Variants in IL1RAPL1 observed in about 807,000 individuals in gnomAD.
IL1RAPL1 encodes interleukin-1 receptor accessory protein-like 1.
A neutral mutation model predicts 48.4 loss-of-function variants in IL1RAPL1; 3 were observed. That is an observed-to-expected ratio of 0.06 (90% confidence interval 0.03 to 0.16). The LOEUF (loss-of-function observed/expected upper bound fraction) is 0.16. Among genes scored for constraint, IL1RAPL1 ranks in the 10% least tolerant of loss-of-function variants. The probability of loss-of-function intolerance (pLI) is 1.00; values close to 1 mark genes in which losing one functional copy is unlikely to be tolerated. For synonymous variants in IL1RAPL1, 185 were observed against 187.7 expected (o/e 0.99, Z 0.12); for missense variants, 349 against 530.6 (o/e 0.66, Z 3.36).
intron 2 of IL1RAPL1, among the ~76,000 whole-genome samples, chrX:28,829,242 A>G (rs962186370): frequency 9.0e-6 from 1 of 111,572 alleles, no homozygotes; most frequent in African/African-American, 3.3e-5. Context: ...TTTTTCATGT[A>G]TATGTATAGA....
At chrX:29,819,463 A>C (rs1453708019) in intron 6 of IL1RAPL1, among the ~76,000 whole-genome samples, 1 of 111,579 alleles carries the variant, frequency 9.0e-6, no homozygotes, top group Non-Finnish European at 1.9e-5. Context: ...CCACAGCTTC[A>C]TTCCATTTGC....
At chrX:29,323,750 T>TATATATA (rs1932824078) in intron 3 of IL1RAPL1, among the ~76,000 whole-genome samples, 1 of 34,354 alleles carries the variant, frequency 2.9e-5, no homozygotes, top group African/African-American at 1.6e-4. Flanking sequence ...TATATATATA[T>TATATATA]ATATATATAT....
rs905453210 is a variant in IL1RAPL1, at chrX:28,587,914, A to C, written c.-158A>C. ...TTTGTGAATGGGAATCTTGTTCACA[A>C]TATTAATTGCTAGCAAAAACAAGAA... On this transcript the variant is annotated 5_prime_UTR_variant, in exon 1 of 11. Coordinates refer to ENST00000378993, the MANE Select transcript of IL1RAPL1 (RefSeq NM_014271.4). The C allele has an allele frequency of 8.9e-6, 1 of 111,765 alleles. No individual in the cohort carries two copies. The highest frequency in any genetic ancestry group is 9.6e-5 in the Admixed American group (1 of 10,468). 9.2% of individuals were successfully genotyped at this position (111,765 alleles called of 1,213,427 possible).
At chrX:28,886,424 T>C (rs946857387) in intron 2 of IL1RAPL1, among the ~76,000 whole-genome samples, 8 of 109,593 alleles carry the variant, frequency 7.3e-5, no homozygotes, top group Non-Finnish European at 1.5e-4. Context: ...TGATGGAGGA[T>C]TGGTCTGTAG....
intron 6 of IL1RAPL1, among the ~76,000 whole-genome samples, chrX:29,874,726 G>T (rs1931867986): frequency 8.9e-6 from 1 of 112,399 alleles, no homozygotes; most frequent in African/African-American, 3.2e-5. Context: ...AGTAGAGTCC[G>T]TGACTTCATT....
At chrX:29,867,451 C>T (rs768600021) in intron 6 of IL1RAPL1, among the ~76,000 whole-genome samples, 2 of 111,473 alleles carry the variant, frequency 1.8e-5, no homozygotes, top group African/African-American at 6.5e-5. Context: ...GGCCTAGGCC[C>T]TTTTTTGCCA....
intron 6 of IL1RAPL1, among the ~76,000 whole-genome samples, chrX:29,843,214 C>T (rs1347132044): frequency 9.0e-6 from 1 of 111,684 alleles, no homozygotes; most frequent in Non-Finnish European, 1.9e-5. Flanking sequence ...GCAACTGGTG[C>T]AATGTACTCA....
intron 2 of IL1RAPL1, among the ~76,000 whole-genome samples, chrX:28,864,702 A>G (rs1209534270): frequency 1.8e-5 from 2 of 111,449 alleles, no homozygotes; most frequent in Non-Finnish European, 3.8e-5. Flanking sequence ...TTTAGAAAAG[A>G]AGGAGGCTAG....
intron 2 of IL1RAPL1, among the ~76,000 whole-genome samples, chrX:29,256,880 A>C (rs1050350835): frequency 4.5e-5 from 5 of 111,153 alleles, no homozygotes; most frequent in Non-Finnish European, 7.6e-5. Context: ...CATTGAGGAG[A>C]CCTTAGGCTG....
chrX:29,337,873 C>T (rs1306915565), intron 3 of IL1RAPL1, among the ~76,000 whole-genome samples: 1 of 110,601 alleles, frequency 9.0e-6, no homozygotes. Context: ...CAGAGTTTCA[C>T]CATGTTGGCC....
chrX:29,919,080 A>T (rs1000987632), intron 7 of IL1RAPL1, among the ~76,000 whole-genome samples: 24 of 112,203 alleles, frequency 2.1e-4, no homozygotes, highest in African/African-American at 6.5e-4. Flanking sequence ...CACATTTTCT[A>T]TTGGGACCTT....
chrX:29,641,875 C>G (rs1032140425), intron 5 of IL1RAPL1, among the ~76,000 whole-genome samples: 7 of 112,353 alleles, frequency 6.2e-5, no homozygotes, highest in African/African-American at 2.3e-4. Context: ...ATGTCTCCAT[C>G]TCTGACTTAA....
chrX:28,754,350 T>C (rs1875703341), intron 1 of IL1RAPL1, among the ~76,000 whole-genome samples: 1 of 112,531 alleles, frequency 8.9e-6, no homozygotes, highest in African/African-American at 3.2e-5. Context: ...ACATTTCTTA[T>C]GCCATTTTAA....
intron 2 of IL1RAPL1, among the ~76,000 whole-genome samples, chrX:29,034,564 T>C (rs765199739): frequency 8.9e-6 from 1 of 112,303 alleles, no homozygotes; most frequent in South Asian, 3.6e-4. Flanking sequence ...TATCAAGTGC[T>C]TTCAATAGAC....
At chrX:28,768,755 C>CTCTCTCTCTATATATA (rs1364972830) in intron 1 of IL1RAPL1, among the ~76,000 whole-genome samples, 2 of 34,886 alleles carry the variant, frequency 5.7e-5, no homozygotes, top group Non-Finnish European at 9.5e-5. Context: ...CTCTCTCTCT[C>CTCTCTCTCTATATATA]TATATATATA....
At chrX:29,903,609 G>A (rs977755086) in intron 6 of IL1RAPL1, among the ~76,000 whole-genome samples, 3 of 111,447 alleles carry the variant, frequency 2.7e-5, no homozygotes, top group Non-Finnish European at 3.8e-5. Flanking sequence ...TTTTAGAAAT[G>A]GCTATATGAT....
In IL1RAPL1 at chrX:29,190,123, C is replaced by T. The variant is rs769897392; in HGVS notation, c.83-92815C>T. On this transcript the variant is annotated intron_variant, in intron 2 of 10. Coordinates refer to ENST00000378993, the MANE Select transcript of IL1RAPL1 (RefSeq NM_014271.4). The stretch of plus-strand genomic sequence containing the variant: ...TACCTTACAGTATCATTGTAGGATA[C>T]GATAATGTATGCAAAGTGTGATGTA... Among the ~76,000 whole-genome samples the T allele has an allele frequency of 2.2e-4, 24 of 111,360 alleles. No individual in the cohort carries two copies. In the South Asian group the frequency reaches 3.0e-3, roughly 14 times the overall value.
intron 5 of IL1RAPL1, among the ~76,000 whole-genome samples, chrX:29,493,832 A>G (rs1392052250): frequency 9.2e-6 from 1 of 108,924 alleles, no homozygotes; most frequent in Non-Finnish European, 1.9e-5. Context: ...CCCTTCCCCC[A>G]CTCCCCACAC....
intron 2 of IL1RAPL1, among the ~76,000 whole-genome samples, chrX:29,044,396 C>CTCCAT (rs985321090): frequency 1.8e-5 from 2 of 110,872 alleles, no homozygotes; most frequent in Admixed American, 1.9e-4. Flanking sequence ...CGCCACTACA[C>CTCCAT]TCCAGCCTAG....
Sources: gnomAD v4.1 joint callset for allele counts (sites outside exome capture counted in the v4.1 genomes callset) on GRCh38, gnomAD v4.1.1 for gene constraint, MANE v1.5 for transcripts, NCBI Gene and HGNC (gene_info 2026-07-23, HGNC 2026-07-21) for gene names.